SLC35E2B: variants seen among roughly 807,000 people sequenced by gnomAD.
SLC35E2B encodes solute carrier family 35 member E2B.
SLC35E2B carries 18 observed loss-of-function variants against 32.4 expected under a neutral mutation model. That is an observed-to-expected ratio of 0.56 (90% CI 0.38 to 0.82). SLC35E2B has a LOEUF of 0.82. Among genes scored for constraint, SLC35E2B ranks in the 40% least tolerant of loss-of-function variants. SLC35E2B has a pLI of 0.00. For missense variants in SLC35E2B, 263 were observed against 469.5 expected (o/e 0.56, Z 4.06); for synonymous variants, 132 against 209.1 (o/e 0.63, Z 3.18).
At position 1,663,508 on chromosome 1, in the gene SLC35E2B, T is replaced by C. The variant is rs530405358; in HGVS notation, c.*2274A>G. The C allele has an allele frequency of 2.4e-6, 2 of 839,184 alleles. No homozygotes were observed. The highest frequency in any genetic ancestry group is 3.6e-5 in the African/African-American group (2 of 55,508). 52.0% of individuals were successfully genotyped at this position (839,184 alleles called of 1,614,324 possible). On this transcript the variant is annotated 3_prime_UTR_variant, in exon 10 of 10. Coordinates refer to ENST00000617444, the MANE Select transcript of SLC35E2B (RefSeq NM_001290264.2). ...GTTTTTGAGACGGAATCTTGCCCTG[T>C]TGCCCAGGCTGGAGTGCAATGGCAC...
chr1:1,670,251 AC>A, intron 6 of SLC35E2B, 100 bp from the exon 7 acceptor site: 1 of 860,420 alleles, frequency 1.2e-6, no homozygotes, highest in Non-Finnish European at 1.9e-6. Flanking sequence ...GGCGACAATG[AC>A]CAGACCTCAG....
chr1:1,682,121 T>C lies in SLC35E2B; in HGVS notation c.-147-5275A>G, dbSNP rs529805199. Among the ~76,000 whole-genome samples the C allele has an allele frequency of 5.6e-5, 8 of 143,710 alleles. No individual in the cohort carries two copies. The South Asian group carries it at 1.4e-3, about 26-fold the overall frequency. 94.3% of individuals were successfully genotyped at this position (143,710 alleles called of 152,430 possible). ...GTGATTCGCCCGCCTTGGCCTCCCATAGAACTGGGATTACAGGCATGAGTG... is the reference window on the plus strand; with the variant it reads ...GTGATTCGCCCGCCTTGGCCTCCCACAGAACTGGGATTACAGGCATGAGTG... On this transcript the variant is annotated intron_variant, in intron 2 of 9. Coordinates refer to ENST00000617444, the MANE Select transcript of SLC35E2B (RefSeq NM_001290264.2).
At position 1,665,462 on chromosome 1, in the gene SLC35E2B, G is replaced by A. The variant is rs930358795; in HGVS notation, c.*320C>T. ...GGCACTGGACCCACCTCTGGCTCCC[G>A]GTGGACCCTGGGGTGTCGCCCAGAG... On this transcript the variant is annotated 3_prime_UTR_variant, in exon 10 of 10. Transcript: ENST00000617444. 4.2e-5 allele frequency: 22 copies of A among 526,116 alleles called. No homozygotes were observed. Among genetic ancestry groups the A allele is most frequent in the African/African-American group, 5.8e-5 (3 of 52,118 alleles). 32.6% of individuals were successfully genotyped at this position (526,116 alleles called of 1,614,324 possible). A position where few individuals can be genotyped will look rare whatever the true frequency, so the allele number is the denominator to read the frequency against.
In SLC35E2B at chr1:1,661,864, ACAC is replaced by A. The variant is rs1245233817; in HGVS notation, c.*3915_*3917del. 4 of 151,406 alleles carry A rather than the reference ACAC, an allele frequency of 2.6e-5. No homozygotes were observed. The highest frequency in any genetic ancestry group is 1.4e-4 in the African/African-American group (4 of 29,566). 9.4% of individuals were successfully genotyped at this position (151,406 alleles called of 1,614,324 possible). A position where few individuals can be genotyped will look rare whatever the true frequency, so the allele number is the denominator to read the frequency against. ...GGCCCTTTTCAAGGTGGAGCCTCCA[ACAC>A]CACGTTGGCAGATTCAGACTCCGTG... On this transcript the variant is annotated 3_prime_UTR_variant, in exon 10 of 10. Coordinates refer to ENST00000617444, the MANE Select transcript of SLC35E2B (RefSeq NM_001290264.2).
At chr1:1,667,882 C>T (rs1490620400) in intron 9 of SLC35E2B, among the ~76,000 whole-genome samples, 2 of 150,124 alleles carry the variant, frequency 1.3e-5, no homozygotes, top group Non-Finnish European at 3.0e-5. Flanking sequence ...GAAGGACTCT[C>T]GCTCCCATCC....
chr1:1,677,387 C>T (rs1214267091), intron 2 of SLC35E2B, among the ~76,000 whole-genome samples: 1 of 151,430 alleles, frequency 6.6e-6, no homozygotes, highest in Non-Finnish European at 1.5e-5. Flanking sequence ...GTGGGTCCTT[C>T]ACGCCCTGCC....
In SLC35E2B at chr1:1,690,132, T is replaced by C. The variant is rs544522519; in HGVS notation, c.-148+844A>G. On this transcript the variant is annotated intron_variant, in intron 2 of 9. Transcript: ENST00000617444. ...CCCCATCTCTACTAAAAATACAAAG[T>C]TGGCCGGCATGGTGGCACATGCCTT... Among the ~76,000 whole-genome samples the C allele has an allele frequency of 6.0e-5, 9 of 150,418 alleles. No individual in the cohort carries two copies. In the South Asian group the frequency reaches 1.9e-3, roughly 32 times the overall value.
At chr1:1,671,808 T>C (rs1643700483) in intron 5 of SLC35E2B, among the ~76,000 whole-genome samples, 179 bp from the exon 6 acceptor site, 1 of 152,186 alleles carries the variant, frequency 6.6e-6, no homozygotes, top group Non-Finnish European at 1.5e-5. Context: ...TGTCTGCAAA[T>C]AAGTCCCGTC....
rs1387478979 is a variant in SLC35E2B, at chr1:1,669,385, TA to T, written c.834+278del. Among the ~76,000 whole-genome samples, 6 of 151,506 alleles carry T rather than the reference TA, an allele frequency of 4.0e-5. No homozygotes were observed. The East Asian group carries it at 7.7e-4, about 19-fold the overall frequency. On this transcript the variant is annotated intron_variant, in intron 8 of 9. Transcript: ENST00000617444. ...AAATAAAAAAAAAAAGTTTTTCTAA[TA>T]AAAAAAAGAAATTAAGCTAACCTAA...
intron 7 of SLC35E2B, 149 bp downstream of exon 7, chr1:1,669,949 T>A: frequency 1.2e-6 from 1 of 861,072 alleles, no homozygotes; most frequent in South Asian, 1.5e-5. Context: ...AACGGGCGGG[T>A]CCCTCCCGAG....
intron 2 of SLC35E2B, among the ~76,000 whole-genome samples, chr1:1,685,850 G>C (rs1364873014): frequency 6.6e-6 from 1 of 152,118 alleles, no homozygotes. Flanking sequence ...TTCTTTTCTT[G>C]AGACGGAGTC....
intron 6 of SLC35E2B, 122 bp from the exon 7 acceptor site, chr1:1,670,273 C>A: frequency 1.4e-6 from 1 of 697,438 alleles, no homozygotes; most frequent in Admixed American, 2.6e-5. Context: ...TGGTGCCCGC[C>A]ACCACGCCTG....
chr1:1,679,699 G>C (rs1257250777), intron 2 of SLC35E2B, among the ~76,000 whole-genome samples: 2 of 151,292 alleles, frequency 1.3e-5, no homozygotes, highest in East Asian at 1.9e-4. Context: ...GGGTGTGGTG[G>C]CTGGCACCTG....
rs1643534957 is a variant in SLC35E2B, at chr1:1,666,013, G to A, written c.987C>T (p.Ala329=). 3 of 1,550,540 alleles carry A rather than the reference G, an allele frequency of 1.9e-6. No homozygotes were observed. The highest frequency in any genetic ancestry group is 2.6e-6 in the Non-Finnish European group (3 of 1,146,282). The change falls in exon 10 of 10, where the codon GCC becomes GCT. Residue 329 remains alanine (A), a synonymous_variant. Transcript: ENST00000617444. ...GKISPVTFSV[A]STVKHALSIW... Reference sequence around the variant, plus strand: ...TGGACAAGGCATGTTTCACGGTGCTGGCGACGCTGCGGAGGCAAGGGGAGG... The same window carrying A: ...TGGACAAGGCATGTTTCACGGTGCTAGCGACGCTGCGGAGGCAAGGGGAGG...
chr1:1,688,410 T>C (rs1643977736), intron 2 of SLC35E2B, among the ~76,000 whole-genome samples: 1 of 151,780 alleles, frequency 6.6e-6, no homozygotes, highest in South Asian at 2.1e-4. Context: ...ATCGAGATCC[T>C]CCTGGCCAAC....
chr1:1,669,575 C>A, intron 8 of SLC35E2B, 89 bp downstream of exon 8: 1 of 1,353,524 alleles, frequency 7.4e-7, no homozygotes, highest in Non-Finnish European at 1.0e-6. Context: ...AGCCAGCACA[C>A]GGCCTGGAAA....
intron 5 of SLC35E2B, chr1:1,672,511 C>T (rs530253864): frequency 6.6e-6 from 1 of 152,350 alleles, no homozygotes; most frequent in East Asian, 1.9e-4. Flanking sequence ...CTGCTGGAAA[C>T]TCTGGTTGAA....
chr1:1,670,325 T>C (rs1314481098), intron 6 of SLC35E2B, 174 bp from the exon 7 acceptor site: 6 of 561,880 alleles, frequency 1.1e-5, no homozygotes, highest in Non-Finnish European at 1.9e-5. Context: ...TTTCACCGTG[T>C]TGGCCAGGCT....
chr1:1,662,855 T>A lies in SLC35E2B; in HGVS notation c.*2927A>T, dbSNP rs1061892. On this transcript the variant is annotated 3_prime_UTR_variant, in exon 10 of 10. Coordinates refer to ENST00000617444, the MANE Select transcript of SLC35E2B (RefSeq NM_001290264.2). ...CACACCCAGTGGAAGTAACCACACC[T>A]GGTGTGTTCCTAGAAGCTCACCTGT... 31 of 802,988 alleles carry A rather than the reference T, an allele frequency of 3.9e-5. 8 individuals are homozygous for A. Among genetic ancestry groups the A allele is most frequent in the Non-Finnish European group, 4.5e-5 (30 of 660,994 alleles). 49.7% of individuals were successfully genotyped at this position (802,988 alleles called of 1,614,324 possible).
Sources: allele counts gnomAD v4.1 joint callset (sites outside exome capture counted in the v4.1 genomes callset), GRCh38; gene constraint gnomAD v4.1.1; transcripts MANE v1.5; gene names NCBI Gene and HGNC (gene_info 2026-07-23, HGNC 2026-07-21).